SMC6: variants seen among roughly 807,000 people sequenced by gnomAD.
SMC6 encodes the protein structural maintenance of chromosomes 6.
SMC6 carries 79 observed loss-of-function variants against 142.2 expected under a neutral mutation model. The observed-to-expected ratio is 0.56, with a 90% CI of 0.46 to 0.67. SMC6 has a LOEUF of 0.67. Ranked by LOEUF, SMC6 falls within the 30% of genes least tolerant of loss-of-function variation. The probability of loss-of-function intolerance (pLI) is 0.00; values close to 1 mark genes in which losing one functional copy is unlikely to be tolerated. For synonymous variants in SMC6, 411 were observed against 412.4 expected (o/e 1.00, Z 0.04); for missense variants, 1,072 against 1,284.0 (o/e 0.83, Z 2.52).
chr2:17,743,624 G>C (rs1670583919), intron 3 of SMC6, among the ~76,000 whole-genome samples: 2 of 151,798 alleles, frequency 1.3e-5, no homozygotes, highest in Admixed American at 1.3e-4. Context: ...TCTGTACTAG[G>C]GTTCACTCGA....
chr2:17,667,276 C>T (rs574116305), intron 26 of SMC6, among the ~76,000 whole-genome samples: 3 of 152,150 alleles, frequency 2.0e-5, no homozygotes, highest in Non-Finnish European at 4.4e-5. Context: ...TCTGCCTCTC[C>T]CCATTACCTC....
intron 25 of SMC6, among the ~76,000 whole-genome samples, chr2:17,673,869 GCTTA>G (rs1666886898): frequency 6.6e-6 from 1 of 151,836 alleles, no homozygotes; most frequent in African/African-American, 2.4e-5. Flanking sequence ...ACGCCCGGCC[GCTTA>G]CTGTTTATTT....
At chr2:17,739,821 AAC>A (rs148768584) in intron 4 of SMC6, among the ~76,000 whole-genome samples, 1,183 of 111,378 alleles carry the variant, frequency 0.011, 11 homozygotes, top group African/African-American at 0.027. Flanking sequence ...TTTCTCTTTA[AAC>A]ACACACACAC....
rs1413396976 is a variant in SMC6 at position 17,738,398 on chromosome 2, T to A, written c.239-72A>T. On this transcript the variant is annotated intron_variant, in intron 4 of 27. Transcript: ENST00000448223. ...GAAAAAGCTGACTCCTACCATGTAA[T>A]GCAAAAAGATTTATGAATGAGACTC... 1.8e-5 allele frequency: 18 copies of A among 984,978 alleles called. No homozygotes were observed. The East Asian group carries it at 3.6e-4, about 19-fold the overall frequency. 61.0% of individuals were successfully genotyped at this position (984,978 alleles called of 1,614,324 possible). A position where few individuals can be genotyped will look rare whatever the true frequency, so the allele number is the denominator to read the frequency against.
At chr2:17,669,095 C>T (rs998884642) in intron 26 of SMC6, among the ~76,000 whole-genome samples, 16 of 152,126 alleles carry the variant, frequency 1.1e-4, no homozygotes, top group African/African-American at 3.6e-4. Context: ...GACCAAAGAG[C>T]GGTCTTAAAG....
At chr2:17,683,276 T>C (rs1667312247) in intron 24 of SMC6, among the ~76,000 whole-genome samples, 1 of 152,234 alleles carries the variant, frequency 6.6e-6, no homozygotes, top group Non-Finnish European at 1.5e-5. Context: ...TAGTAGATTA[T>C]GGTAAATCAA....
At chr2:17,710,216 A>G (rs77808611) in intron 16 of SMC6, among the ~76,000 whole-genome samples, 7,847 of 152,262 alleles carry the variant, frequency 0.052, 230 homozygotes, top group Middle Eastern at 0.11. Context: ...GATCTTGGAT[A>G]TATTTCTGAA....
intron 25 of SMC6, among the ~76,000 whole-genome samples, chr2:17,674,154 A>G (rs1246830659): frequency 6.6e-6 from 1 of 152,150 alleles, no homozygotes; most frequent in Non-Finnish European, 1.5e-5. Context: ...TTAGATCATT[A>G]ATGTTCAGCC....
chr2:17,715,492 G>A (rs1669039043), intron 15 of SMC6, among the ~76,000 whole-genome samples: 1 of 151,466 alleles, frequency 6.6e-6, no homozygotes, highest in Non-Finnish European at 1.5e-5. Flanking sequence ...ATAAAGGTAT[G>A]TATCATTTAA....
intron 25 of SMC6, among the ~76,000 whole-genome samples, chr2:17,672,216 G>GA (rs1336376892): frequency 6.6e-6 from 1 of 152,068 alleles, no homozygotes; most frequent in Non-Finnish European, 1.5e-5. Flanking sequence ...AAATCTGGGG[G>GA]ATCTAGCTTT....
intron 24 of SMC6, among the ~76,000 whole-genome samples, chr2:17,683,312 A>G (rs1667314220): frequency 6.6e-6 from 1 of 152,196 alleles, no homozygotes; most frequent in African/African-American, 2.4e-5. Flanking sequence ...TATAGTTCCT[A>G]CCAAATGCTT....
intron 16 of SMC6, among the ~76,000 whole-genome samples, chr2:17,710,617 A>C (rs1668781539): frequency 6.6e-6 from 1 of 152,160 alleles, no homozygotes; most frequent in African/African-American, 2.4e-5. Context: ...GAAAATGAGA[A>C]GAGTGAGGTC....
intron 23 of SMC6, among the ~76,000 whole-genome samples, chr2:17,685,405 T>C (rs1053770374): frequency 2.5e-4 from 38 of 152,216 alleles, no homozygotes; most frequent in African/African-American, 8.9e-4. Context: ...AGAAAAAGTA[T>C]GAGCTAAGGA....
intron 8 of SMC6, among the ~76,000 whole-genome samples, 156 bp from the exon 9 acceptor site, chr2:17,725,514 C>T (rs1286263921): frequency 6.6e-6 from 1 of 152,016 alleles, no homozygotes; most frequent in Non-Finnish European, 1.5e-5. Context: ...CAAAAGAATA[C>T]ATCATATTTC....
At chr2:17,747,264 T>C (rs1670799990) in intron 2 of SMC6, among the ~76,000 whole-genome samples, 1 of 152,216 alleles carries the variant, frequency 6.6e-6, no homozygotes, top group Admixed American at 6.5e-5. Flanking sequence ...CCACTCCCAC[T>C]GCAGTGTCAC....
At chr2:17,671,491 C>G (rs1666758782) in intron 25 of SMC6, among the ~76,000 whole-genome samples, 1 of 151,098 alleles carries the variant, frequency 6.6e-6, no homozygotes, top group African/African-American at 2.4e-5. Flanking sequence ...CTCCTGTGGT[C>G]CCAACTACTT....
intron 15 of SMC6, 149 bp from the exon 16 acceptor site, chr2:17,715,214 A>C (rs1669023861): frequency 1.3e-6 from 1 of 761,368 alleles, no homozygotes; most frequent in Non-Finnish European, 2.1e-6. Context: ...ATAGTTTATA[A>C]ATGATTTAAC....
At chr2:17,706,931 T>C (rs536350007) in intron 18 of SMC6, among the ~76,000 whole-genome samples, 1 of 152,302 alleles carries the variant, frequency 6.6e-6, no homozygotes, top group Admixed American at 6.5e-5. Context: ...TGATTTACAT[T>C]GAGTCAAGCT....
chr2:17,665,935 T>C (rs771613802), intron 27 of SMC6, among the ~76,000 whole-genome samples: 1 of 152,210 alleles, frequency 6.6e-6, no homozygotes, highest in Non-Finnish European at 1.5e-5. Flanking sequence ...ATCACAAATT[T>C]AGATCCCCAT....
Sources: gnomAD v4.1 joint callset for allele counts (sites outside exome capture counted in the v4.1 genomes callset) on GRCh38, gnomAD v4.1.1 for gene constraint, MANE v1.5 for transcripts, NCBI Gene and HGNC (gene_info 2026-07-23, HGNC 2026-07-21) for gene names.